The following ASB15 variants were observed in gnomAD, a reference collection of about 807,000 sequenced individuals.
ASB15 encodes the protein ankyrin repeat and SOCS box containing 15.
ASB15 carries 54 observed loss-of-function variants against 58.0 expected under a neutral mutation model. The ratio of observed to expected loss-of-function variants is 0.93; its 90% CI spans 0.75 to 1.17. ASB15 has a LOEUF of 1.17. Ranked by LOEUF, ASB15 falls within the 50% of genes most tolerant of loss-of-function variation. The pLI is 0.00. For missense variants in ASB15, 680 were observed against 707.4 expected (o/e 0.96, Z 0.44); for synonymous variants, 249 against 262.4 (o/e 0.95, Z 0.50).
At chr7:123,603,867 G>C (rs1182682392) in intron 1 of ASB15, among the ~76,000 whole-genome samples, 165 bp from the exon 2 acceptor site, 1 of 152,152 alleles carries the variant, frequency 6.6e-6, no homozygotes, top group Non-Finnish European at 1.5e-5. Context: ...TAACATAATA[G>C]CCTAAATATT....
intron 1 of ASB15, among the ~76,000 whole-genome samples, chr7:123,571,864 G>A (rs920917603): frequency 2.0e-5 from 3 of 151,864 alleles, no homozygotes; most frequent in East Asian, 3.9e-4. Context: ...TCCTGGGCCC[G>A]AGTGATCCTC....
At chr7:123,578,636 C>G (rs1449865943) in intron 1 of ASB15, among the ~76,000 whole-genome samples, 1 of 151,572 alleles carries the variant, frequency 6.6e-6, no homozygotes, top group Non-Finnish European at 1.5e-5. Flanking sequence ...CTTTTAATAT[C>G]TGAGCTAATG....
At chr7:123,605,912 A>C (rs922038392) in intron 2 of ASB15, among the ~76,000 whole-genome samples, 1 of 152,210 alleles carries the variant, frequency 6.6e-6, no homozygotes, top group Non-Finnish European at 1.5e-5. Flanking sequence ...TATTACCTGC[A>C]TGATAAAATA....
chr7:123,587,977 G>A (rs1584737433), intron 1 of ASB15, among the ~76,000 whole-genome samples: 2 of 151,712 alleles, frequency 1.3e-5, no homozygotes, highest in East Asian at 3.9e-4. Flanking sequence ...GTTCATCAGG[G>A]ATATTGCCAT....
chr7:123,622,716 C>T (rs73224103), intron 7 of ASB15: 1 of 152,218 alleles, frequency 6.6e-6, no homozygotes, highest in Non-Finnish European at 1.5e-5. Flanking sequence ...CATGAGGACA[C>T]ATTTCTCTTA....
At chr7:123,606,289 G>A (rs1014430014) in intron 2 of ASB15, among the ~76,000 whole-genome samples, 6 of 152,008 alleles carry the variant, frequency 3.9e-5, no homozygotes, top group African/African-American at 7.3e-5. Flanking sequence ...TCCTTCCCAC[G>A]CCAAGAAACT....
At chr7:123,597,120 T>C (rs988768733), upstream of ASB15, among the ~76,000 whole-genome samples, 2 of 152,194 alleles carry the variant, frequency 1.3e-5, no homozygotes, top group African/African-American at 4.8e-5. Context: ...ATCCTAGCAA[T>C]AAACAATTCA....
intron 1 of ASB15, among the ~76,000 whole-genome samples, chr7:123,572,920 T>G (rs1303713796): frequency 6.6e-6 from 1 of 152,120 alleles, no homozygotes. Flanking sequence ...TTTTCTCTTT[T>G]TTGTCTTTTT....
At chr7:123,609,643 G>C (rs1800331572) in intron 3 of ASB15, among the ~76,000 whole-genome samples, 1 of 152,186 alleles carries the variant, frequency 6.6e-6, no homozygotes, top group Admixed American at 6.5e-5. Context: ...ATGTAAGCAG[G>C]AGTAAACCAA....
intron 1 of ASB15, among the ~76,000 whole-genome samples, chr7:123,572,782 T>G (rs571786328): frequency 2.2e-4 from 34 of 152,196 alleles, no homozygotes; most frequent in Admixed American, 1.3e-3. Context: ...ATTAGATGAG[T>G]TTTATACATT....
At chr7:123,602,518 T>G (rs1205217589) in intron 1 of ASB15, among the ~76,000 whole-genome samples, 8 of 152,270 alleles carry the variant, frequency 5.3e-5, no homozygotes, top group African/African-American at 1.9e-4. Context: ...TAAGGAGCTT[T>G]CTATATCTAA....
chr7:123,619,295 T>A (rs1801068774), intron 7 of ASB15, among the ~76,000 whole-genome samples: 1 of 151,560 alleles, frequency 6.6e-6, no homozygotes, highest in Non-Finnish European at 1.5e-5. Context: ...GGAGGAGAAT[T>A]AGATGTGATT....
intron 1 of ASB15, chr7:123,584,718 A>C (rs939463793): frequency 2.0e-5 from 3 of 152,010 alleles, no homozygotes; most frequent in Non-Finnish European, 4.4e-5. Context: ...CAGAATAACC[A>C]GGGGAAACAA....
chr7:123,616,272 A>C lies in ASB15; in HGVS notation c.159A>C (p.Gln53His), dbSNP rs781068277. ...GAAAACTTGTGGAGGCCATAAAACA[A>C]GGTAAATGGGTGTACTATCTACAGT... ...QNRKLVEAIK[Q>H]GHIPELQEYV... Residue 53 changes from glutamine (Q) to histidine (H), a missense_variant and splice_region_variant, in exon 5 of 12, where the codon CAA becomes CAC. Gln to His is a conservative substitution (Grantham distance 24). Coordinates refer to ENST00000451215, the MANE Select transcript of ASB15 (RefSeq NM_001290258.2). 3.4e-5 allele frequency: 54 copies of C among 1,610,414 alleles called. No homozygotes were observed. The South Asian group carries it at 5.9e-4, about 18-fold the overall frequency.
intron 1 of ASB15, among the ~76,000 whole-genome samples, chr7:123,593,341 T>C (rs1799598140): frequency 6.6e-6 from 1 of 152,192 alleles, no homozygotes; most frequent in South Asian, 2.1e-4. Flanking sequence ...TTTTGCCCGT[T>C]AATTGATGCA....
intron 11 of ASB15, among the ~76,000 whole-genome samples, chr7:123,633,801 A>G (rs570268469): frequency 6.6e-6 from 1 of 152,292 alleles, no homozygotes; most frequent in Admixed American, 6.5e-5. Flanking sequence ...TGAGAAATGG[A>G]TGATTGTATC....
At chr7:123,599,808 T>C (rs1799814384), upstream of ASB15, among the ~76,000 whole-genome samples, 1 of 152,200 alleles carries the variant, frequency 6.6e-6, no homozygotes, top group African/African-American at 2.4e-5. Context: ...CAGTGTCATT[T>C]TGTATACCTT....
At chr7:123,611,012 G>T (rs570735719) in intron 3 of ASB15, among the ~76,000 whole-genome samples, 111 of 149,696 alleles carry the variant, frequency 7.4e-4, no homozygotes, top group Non-Finnish European at 1.3e-3. Context: ...AACCCAGCAG[G>T]CGGGAGGTTG....
At chr7:123,623,931 AAAAGAAAGAAAGAAAGAAAGAAAG>A (rs201240574) in intron 7 of ASB15, among the ~76,000 whole-genome samples, 1,736 of 103,360 alleles carry the variant, frequency 0.017, 20 homozygotes, top group Middle Eastern at 0.024. Flanking sequence ...AGAAAGAAAG[AAAAGAAAGAAAGAAAGAAAGAAAG>A]AAAGAAAGAA....
Sources: gnomAD v4.1 joint callset for allele counts (sites outside exome capture counted in the v4.1 genomes callset) on GRCh38, gnomAD v4.1.1 for gene constraint, MANE v1.5 for transcripts, NCBI Gene and HGNC (gene_info 2026-07-23, HGNC 2026-07-21) for gene names.